Variants in ZBTB14 observed in about 807,000 individuals in gnomAD.
ZBTB14 encodes zinc finger and BTB domain-containing protein 14.
In ZBTB14, 8 loss-of-function variants were observed where a neutral mutation model predicts 29.5. That is an observed-to-expected ratio of 0.27 (90% confidence interval 0.16 to 0.49). ZBTB14 has a LOEUF of 0.49. ZBTB14 is among the 20% of genes least tolerant of loss of function. The pLI is 0.99. For synonymous variants in ZBTB14, 226 were observed against 207.2 expected (o/e 1.09, Z -0.78); for missense variants, 333 against 563.8 (o/e 0.59, Z 4.15).
In ZBTB14 at chr18:5,289,283, T is replaced by C. The variant is rs2071760673; in HGVS notation, c.*1575A>G. ...CCAATAACTAAAATTTTTAAAAAGG[T>C]AGCATCTTCATCCTAACATCTTGGG... On this transcript the variant is annotated 3_prime_UTR_variant, in exon 4 of 4. Transcript: ENST00000651870. The C allele has an allele frequency of 6.6e-6, 1 of 152,172 alleles. No homozygotes were observed. Among genetic ancestry groups the C allele is most frequent in the African/African-American group, 2.4e-5 (1 of 41,450 alleles). 9.4% of individuals were successfully genotyped at this position (152,172 alleles called of 1,614,324 possible).
Position 5,292,119 on chromosome 18 carries a change from C to T in ZBTB14, c.89G>A (p.Arg30His). ...AATATCACAAAATTCTCCTTCCAGG[C>T]GTTGTTCATTTAGTGTTTTCAGAAA... ...TLFLKTLNEQRLEGEFCDIAI... is the reference protein window; with the variant it reads ...TLFLKTLNEQHLEGEFCDIAI... Residue 30 changes from arginine (R) to histidine (H), a missense_variant, in exon 4 of 4, where the codon CGC (arginine) becomes CAC (histidine). Arg to His is a conservative substitution (Grantham distance 29). Around this residue, in one of 3 missense-constraint regions of ZBTB14, gnomAD observed 67 missense variants for 157.0 expected, o/e 0.43. Transcript: ENST00000651870. 1 of 1,603,618 alleles carries T rather than the reference C, an allele frequency of 6.2e-7. No individual in the cohort carries two copies. Among genetic ancestry groups the T allele is most frequent in the Non-Finnish European group, 8.5e-7 (1 of 1,179,834 alleles).
chr18:5,293,230 A>G lies in ZBTB14; in HGVS notation c.3+14T>C, dbSNP rs760728742. On this transcript the variant is annotated intron_variant, in intron 3 of 3. Transcript: ENST00000651870. ...TCATTTTCATCAAGATTTAATATCC[A>G]AAGTTATAGTTACCATGAACAACTC... 3.1e-6 allele frequency: 5 copies of G among 1,612,492 alleles called. No homozygotes were observed. The highest frequency in any genetic ancestry group is 1.7e-5 in the Admixed American group (1 of 59,494).
intron 1 of ZBTB14, among the ~76,000 whole-genome samples, chr18:5,295,406 G>A (rs1244978387): frequency 3.4e-5 from 5 of 145,070 alleles, no homozygotes; most frequent in African/African-American, 7.4e-5. Context: ...CGGGGCCCGC[G>A]GCTCGGAGGG....
upstream of ZBTB14, chr18:5,296,220 C>A (rs1304865146): frequency 2.6e-5 from 4 of 151,056 alleles, no homozygotes; most frequent in Non-Finnish European, 5.9e-5. Context: ...AGGGCCCTGG[C>A]CTGCGCACGC....
At position 5,289,726 on chromosome 18, in the gene ZBTB14, G is replaced by A. The variant is rs956825312; in HGVS notation, c.*1132C>T. On this transcript the variant is annotated 3_prime_UTR_variant, in exon 4 of 4. Coordinates refer to ENST00000651870, the MANE Select transcript of ZBTB14 (RefSeq NM_001243702.2). ...TAAAAACAGTCTGATGTTTGTTGCT[G>A]ATGGAAGTTATTTTAATCCAATGTG... 8.5e-5 allele frequency: 13 copies of A among 152,594 alleles called. No homozygotes were observed. The highest frequency in any genetic ancestry group is 5.9e-4 in the Admixed American group (9 of 15,284). 9.5% of individuals were successfully genotyped at this position (152,594 alleles called of 1,614,324 possible). A position where few individuals can be genotyped will look rare whatever the true frequency, so the allele number is the denominator to read the frequency against.
chr18:5,294,662 G>A (rs2071900964), intron 1 of ZBTB14: 1 of 152,196 alleles, frequency 6.6e-6, no homozygotes, highest in African/African-American at 2.4e-5. Flanking sequence ...CATCTGTGTA[G>A]GCAGGTGTAG....
chr18:5,293,525 G>A (rs1180905158), intron 2 of ZBTB14, 198 bp from the exon 3 acceptor site: 2 of 349,296 alleles, frequency 5.7e-6, no homozygotes, highest in African/African-American at 4.1e-5. Context: ...AAGGGCTGTA[G>A]CACTCGGGCA....
rs1216386342 is a variant in ZBTB14, at chr18:5,295,456, CG to C, written c.-112+195del. ...GCCGCGCTCCGCGCTGGGTTCGGGC[CG>C]TCCCCACCCCCACCGCGGTGCACTG... is the stretch of plus-strand genomic sequence containing the variant. On this transcript the variant is annotated intron_variant, in intron 1 of 3. Coordinates refer to ENST00000651870, the MANE Select transcript of ZBTB14 (RefSeq NM_001243702.2). Among the ~76,000 whole-genome samples, 6 of 145,220 alleles carry C rather than the reference CG, an allele frequency of 4.1e-5. No individual in the cohort carries two copies. The East Asian group carries it at 1.2e-3, about 29-fold the overall frequency.
upstream of ZBTB14, among the ~76,000 whole-genome samples, chr18:5,296,760 A>G (rs1458522895): frequency 2.0e-5 from 3 of 151,744 alleles, no homozygotes; most frequent in Non-Finnish European, 1.5e-5. Flanking sequence ...CTTCGGAGCT[A>G]GTAGGTCCGC....
rs746033772 is a variant in ZBTB14, at chr18:5,291,702, T to C, written c.506A>G (p.Gln169Arg). ...TGTGTCATCAGAAGGACTGTCATCC[T>C]GATCCCCGATTTCCTCTACATCATC... ...QDDDVEEIGD[Q>R]DDSPSDDTVE... Residue 169 changes from glutamine (Q) to arginine (R), a missense_variant, in exon 4 of 4, where the codon CAG becomes CGG. Physicochemically the swap from Gln to Arg is conservative, Grantham distance 43. Around this residue, in one of 3 missense-constraint regions of ZBTB14, gnomAD observed 126 missense variants for 132.2 expected, o/e 0.95. Transcript: ENST00000651870. This position sits in a 1 kb window ranked among gnomAD's most constrained non-coding sequence, Gnocchi z 5.8. 6.2e-7 allele frequency: 1 copy of C among 1,614,154 alleles called. No homozygotes were observed.
upstream of ZBTB14, chr18:5,295,788 C>T (rs566819678): frequency 8.5e-5 from 13 of 152,236 alleles, no homozygotes; most frequent in Admixed American, 5.9e-4. Context: ...GCCCCAGCCC[C>T]TTCCGCACCC....
chr18:5,290,753 T>C lies in ZBTB14; in HGVS notation c.*105A>G, dbSNP rs28591097. 2.2e-3 allele frequency: 3,365 copies of C among 1,501,516 alleles called. 43 individuals carry two copies. The East Asian group carries it at 0.024, about 11-fold the overall frequency. The allele number at this position is 1,501,516 out of a possible 1,614,324, so 93.0% of individuals were successfully genotyped here. A position where few individuals can be genotyped will look rare whatever the true frequency, so the allele number is the denominator to read the frequency against. Reference sequence around the variant, plus strand: ...ACTGCCTTAAGTCCAGTGAGTACAATGTTCCATACGTTTCCACAAAAATAT... The same window carrying C: ...ACTGCCTTAAGTCCAGTGAGTACAACGTTCCATACGTTTCCACAAAAATAT... On this transcript the variant is annotated 3_prime_UTR_variant, in exon 4 of 4. Transcript: ENST00000651870.
At position 5,289,318 on chromosome 18, in the gene ZBTB14, C is replaced by T. The variant is rs2071761324; in HGVS notation, c.*1540G>A. On this transcript the variant is annotated 3_prime_UTR_variant, in exon 4 of 4. Coordinates refer to ENST00000651870, the MANE Select transcript of ZBTB14 (RefSeq NM_001243702.2). ...ATCCTAACATCTTGGGCATAACACA[C>T]ACCAATTAAAAAATCAAATTTCTTT... 2.0e-5 allele frequency: 3 copies of T among 152,240 alleles called. No homozygotes were observed. In the South Asian group the frequency reaches 6.2e-4, roughly 32 times the overall value. 9.4% of individuals were successfully genotyped at this position (152,240 alleles called of 1,614,324 possible).
chr18:5,291,967 G>GAA lies in ZBTB14; in HGVS notation c.239_240dup (p.Leu81PhefsTer11). ...ACCTCTTCAAATATATCAGAACGAA[G>GAA]AAAATCTATTTCTATGACCGAAGAA... On this transcript the variant is annotated frameshift_variant, in exon 4 of 4. Coordinates refer to ENST00000651870, the MANE Select transcript of ZBTB14 (RefSeq NM_001243702.2). LOFTEE classifies it high-confidence loss of function. This position sits in a 1 kb window ranked among gnomAD's most constrained non-coding sequence, Gnocchi z 5.8. The GAA allele has an allele frequency of 6.2e-7, 1 of 1,613,934 alleles. No individual in the cohort carries two copies. The highest frequency in any genetic ancestry group is 8.5e-7 in the Non-Finnish European group (1 of 1,179,984).
chr18:5,296,238 CGCGCGCGGCTTGGGGCGCGCGG>C (rs1248849080), upstream of ZBTB14: 1 of 150,306 alleles, frequency 6.7e-6, no homozygotes, highest in Non-Finnish European at 1.5e-5. Context: ...CGCGCGCGCA[CGCGCGCGGCTTGGGGCGCGCGG>C]AGCCCGCGCG....
intron 1 of ZBTB14, chr18:5,294,754 G>A (rs963297574): frequency 2.0e-5 from 3 of 152,308 alleles, no homozygotes; most frequent in Admixed American, 6.5e-5. Context: ...GCGCTAAGCC[G>A]CGTTACAGTG....
chr18:5,290,656 G>T lies in ZBTB14; in HGVS notation c.*202C>A. The stretch of plus-strand genomic sequence containing the variant: ...AACATTAATACTAGACACCAGACAA[G>T]ACAGTGAAACGGTTTGGTCAGAACT... On this transcript the variant is annotated 3_prime_UTR_variant, in exon 4 of 4. Coordinates refer to ENST00000651870, the MANE Select transcript of ZBTB14 (RefSeq NM_001243702.2). 1 of 676,448 alleles carries T rather than the reference G, an allele frequency of 1.5e-6. No homozygotes were observed. The highest frequency in any genetic ancestry group is 2.3e-6 in the Non-Finnish European group (1 of 426,434). The allele number at this position is 676,448 out of a possible 1,614,324, so 41.9% of individuals were successfully genotyped here.
chr18:5,293,168 T>C, intron 3 of ZBTB14, 76 bp downstream of exon 3: 2 of 1,483,120 alleles, frequency 1.3e-6, no homozygotes, highest in Non-Finnish European at 1.8e-6. Flanking sequence ...TCATGCACAA[T>C]CAGAATTGGT....
chr18:5,292,123 G>T lies in ZBTB14; in HGVS notation c.85C>A (p.Gln29Lys). The change falls in exon 4 of 4, where the codon CAA (glutamine) becomes AAA (lysine). Residue 29 changes from glutamine to lysine, a missense_variant. Transcript: ENST00000651870. ...TCACAAAATTCTCCTTCCAGGCGTT[G>T]TTCATTTAGTGTTTTCAGAAACAGA... The part of the protein sequence containing the change: ...KTLFLKTLNE[Q>K]RLEGEFCDIA... 1 of 1,601,546 alleles carries T rather than the reference G, an allele frequency of 6.2e-7. No individual in the cohort carries two copies. The highest frequency in any genetic ancestry group is 8.5e-7 in the Non-Finnish European group (1 of 1,179,558).
Sources: gnomAD v4.1 joint callset for allele counts (sites outside exome capture counted in the v4.1 genomes callset) on GRCh38, gnomAD v4.1.1 for gene constraint, gnomAD v4.1.1 regional missense constraint, Gnocchi (gnomAD v3.1) non-coding constraint, MANE v1.5 for transcripts, NCBI Gene and HGNC (gene_info 2026-07-23, HGNC 2026-07-21) for gene names.